ARHGAP15: variants seen among roughly 807,000 people sequenced by gnomAD.
ARHGAP15 encodes the protein rho GTPase-activating protein 15.
ARHGAP15 carries 51 observed loss-of-function variants against 63.7 expected under a neutral mutation model. The observed-to-expected ratio is 0.80, with a 90% CI of 0.64 to 1.01. The LOEUF is 1.01. Among genes scored for constraint, ARHGAP15 ranks in the 50% least tolerant of loss-of-function variants. The pLI, the probability that ARHGAP15 is intolerant of heterozygous loss-of-function variation, is 0.00. For synonymous variants in ARHGAP15, 191 were observed against 193.8 expected (o/e 0.99, Z 0.12); for missense variants, 560 against 564.6 (o/e 0.99, Z 0.08).
At chr2:143,265,461 G>GA (rs1395877452) in intron 6 of ARHGAP15, among the ~76,000 whole-genome samples, 1 of 152,056 alleles carries the variant, frequency 6.6e-6, no homozygotes, top group African/African-American at 2.4e-5. Context: ...AATTACCTGA[G>GA]AAAATTGTAT....
chr2:143,676,447 C>T (rs1181198421), intron 12 of ARHGAP15: 1 of 152,144 alleles, frequency 6.6e-6, no homozygotes, highest in Non-Finnish European at 1.5e-5. Flanking sequence ...TAAGCTCAAT[C>T]CTGTTCTGCT....
At chr2:143,747,921 C>T (rs1206957601) in intron 13 of ARHGAP15, among the ~76,000 whole-genome samples, 3 of 152,170 alleles carry the variant, frequency 2.0e-5, no homozygotes, top group Non-Finnish European at 4.4e-5. Flanking sequence ...ACTTCCTTGT[C>T]TGAGGCAATA....
At chr2:143,666,342 G>T (rs995948691) in intron 12 of ARHGAP15, among the ~76,000 whole-genome samples, 1 of 152,044 alleles carries the variant, frequency 6.6e-6, no homozygotes. Flanking sequence ...TTAATAAATG[G>T]TGCTGGGATA....
chr2:143,617,087 C>T (rs115095338), intron 11 of ARHGAP15, among the ~76,000 whole-genome samples: 2,093 of 152,276 alleles, frequency 0.014, 58 homozygotes, highest in African/African-American at 0.049. Flanking sequence ...TAGAGAAAAT[C>T]ATTTGAAATA....
chr2:143,345,109 T>G (rs1056981155), intron 6 of ARHGAP15, among the ~76,000 whole-genome samples: 1 of 152,166 alleles, frequency 6.6e-6, no homozygotes, highest in Non-Finnish European at 1.5e-5. Flanking sequence ...TGTTAGCATT[T>G]TAAAGTCACC....
intron 2 of ARHGAP15, among the ~76,000 whole-genome samples, chr2:143,191,044 C>T (rs944115308): frequency 2.6e-5 from 4 of 152,232 alleles, no homozygotes; most frequent in African/African-American, 9.6e-5. Flanking sequence ...GCTGGGATTA[C>T]AGGCGTGAGC....
chr2:143,730,892 TA>T (rs1158246680), intron 13 of ARHGAP15, among the ~76,000 whole-genome samples: 3,378 of 84,018 alleles, frequency 0.04, 70 homozygotes, highest in East Asian at 0.083. Flanking sequence ...AGCACTCCTT[TA>T]AAAAAAAAAA....
chr2:143,451,260 G>A (rs1690395594), intron 8 of ARHGAP15, among the ~76,000 whole-genome samples: 1 of 151,736 alleles, frequency 6.6e-6, no homozygotes, highest in African/African-American at 2.4e-5. Flanking sequence ...AGCATTTGGG[G>A]ATTTAAATTT....
intron 9 of ARHGAP15, among the ~76,000 whole-genome samples, chr2:143,506,762 C>T (rs1425323054): frequency 6.6e-6 from 1 of 152,098 alleles, no homozygotes; most frequent in Admixed American, 6.5e-5. Context: ...CTCAAGTGCT[C>T]ATATTACAAT....
intron 2 of ARHGAP15, among the ~76,000 whole-genome samples, chr2:143,200,348 C>T (rs1283347117): frequency 2.0e-5 from 3 of 150,342 alleles, no homozygotes; most frequent in East Asian, 2.0e-4. Flanking sequence ...TGTATAGAGT[C>T]GTGGAATTTT....
chr2:143,457,199 A>T (rs1690701517), intron 8 of ARHGAP15, among the ~76,000 whole-genome samples: 1 of 152,104 alleles, frequency 6.6e-6, no homozygotes, highest in African/African-American at 2.4e-5. Context: ...TGTACAAATG[A>T]GCACCAGAAT....
At chr2:143,186,112 T>C (rs572282166) in intron 2 of ARHGAP15, among the ~76,000 whole-genome samples, 1 of 152,314 alleles carries the variant, frequency 6.6e-6, no homozygotes, top group South Asian at 2.1e-4. Context: ...TGGGTGTGTC[T>C]TTCATTGTGG....
intron 6 of ARHGAP15, among the ~76,000 whole-genome samples, chr2:143,419,867 C>CA (rs77422328): frequency 0.22 from 33,562 of 151,942 alleles, 4,238 homozygotes; most frequent in Admixed American, 0.34. Context: ...AAAGTAACAG[C>CA]AATATCTAAA....
intron 1 of ARHGAP15, among the ~76,000 whole-genome samples, chr2:143,136,363 A>T (rs1689141945): frequency 6.6e-6 from 1 of 151,876 alleles, no homozygotes; most frequent in Non-Finnish European, 1.5e-5. Context: ...GACTTTTCTA[A>T]AAAAATCTTG....
chr2:143,577,505 C>T (rs565669567), intron 11 of ARHGAP15, among the ~76,000 whole-genome samples: 1 of 152,018 alleles, frequency 6.6e-6, no homozygotes, highest in African/African-American at 2.4e-5. Context: ...TAACTAAATT[C>T]TGAAGCTTAA....
chr2:143,506,717 A>G (rs982089780), intron 9 of ARHGAP15, among the ~76,000 whole-genome samples: 1 of 152,216 alleles, frequency 6.6e-6, no homozygotes, highest in Non-Finnish European at 1.5e-5. Flanking sequence ...TTTGAAATAC[A>G]TGAAAGCAAA....
rs1553477590 is a variant in ARHGAP15 at position 143,419,463 on chromosome 2, A to ATGACAAAATGTGGAAACAG, written c.475-16138_475-16137insTGACAAAATGTGGAAACAG. 8.2e-4 allele frequency among the ~76,000 whole-genome samples: 7 copies of ATGACAAAATGTGGAAACAG among 8,494 alleles called. No individual in the cohort carries two copies. The South Asian group carries it at 0.032, about 39-fold the overall frequency. 5.6% of individuals were successfully genotyped at this position (8,494 alleles called of 152,430 possible). ...TGCTTATGCAGCGTGGGTTTATTTA[A>ATGACAAAATGTGGAAACAG]CTAAATTGTGGAAAAATAGGAAGAC... On this transcript the variant is annotated intron_variant, in intron 6 of 13. Coordinates refer to ENST00000295095, the MANE Select transcript of ARHGAP15 (RefSeq NM_018460.4).
chr2:143,752,927 A>G (rs1037782318), intron 13 of ARHGAP15, among the ~76,000 whole-genome samples: 3 of 152,202 alleles, frequency 2.0e-5, no homozygotes, highest in Non-Finnish European at 4.4e-5. Context: ...ACCTGAGGCC[A>G]GGAGTTCGAG....
intron 8 of ARHGAP15, among the ~76,000 whole-genome samples, chr2:143,445,440 C>T (rs755200619): frequency 2.4e-4 from 36 of 151,982 alleles, no homozygotes; most frequent in Admixed American, 3.9e-4. Context: ...GGATTACAGG[C>T]GTGAGCCGCT....
Sources: gnomAD v4.1 joint callset for allele counts (sites outside exome capture counted in the v4.1 genomes callset) on GRCh38, gnomAD v4.1.1 for gene constraint, MANE v1.5 for transcripts, NCBI Gene and HGNC (gene_info 2026-07-23, HGNC 2026-07-21) for gene names.